The following GALNT13 variants were observed in gnomAD, a reference collection of about 807,000 sequenced individuals.
GALNT13 encodes polypeptide N-acetylgalactosaminyltransferase 13.
GALNT13 carries 28 observed loss-of-function variants against 64.2 expected under a neutral mutation model. The ratio of observed to expected loss-of-function variants is 0.44; its 90% CI spans 0.32 to 0.60. The LOEUF (loss-of-function observed/expected upper bound fraction) is 0.60, where lower values mean the gene tolerates loss of function less well. GALNT13 is among the 20% of genes least tolerant of loss of function. The probability of loss-of-function intolerance (pLI) is 0.05; values close to 1 mark genes in which losing one functional copy is unlikely to be tolerated. For synonymous variants in GALNT13, 214 were observed against 224.6 expected (o/e 0.95, Z 0.42); for missense variants, 577 against 669.8 (o/e 0.86, Z 1.53).
chr2:153,985,056 A>C (rs1230925662), intron 3 of GALNT13, among the ~76,000 whole-genome samples: 2 of 152,048 alleles, frequency 1.3e-5, no homozygotes, highest in Admixed American at 1.3e-4. Flanking sequence ...ATGGGAAAAC[A>C]GTTCCATCTG....
chr2:153,629,572 C>G, the GALNT13 span, among the ~76,000 whole-genome samples: 11 of 152,140 alleles, frequency 7.2e-5, no homozygotes, highest in African/African-American at 1.4e-4. Context: ...CATTACCATT[C>G]AGGACATAGG....
At chr2:153,809,010 T>G in the GALNT13 span, among the ~76,000 whole-genome samples, 1 of 152,210 alleles carries the variant, frequency 6.6e-6, no homozygotes, top group Non-Finnish European at 1.5e-5. Context: ...TAATCTTTTG[T>G]GGGCACTCAG....
At chr2:153,242,837 C>T in the GALNT13 span, among the ~76,000 whole-genome samples, 2 of 152,196 alleles carry the variant, frequency 1.3e-5, no homozygotes, top group Non-Finnish European at 2.9e-5. Flanking sequence ...GCACCACAGA[C>T]CCCATTCTGG....
the GALNT13 span, among the ~76,000 whole-genome samples, chr2:153,359,542 A>G: frequency 6.7e-6 from 1 of 149,720 alleles, no homozygotes; most frequent in Non-Finnish European, 1.5e-5. Context: ...GGCTGAAAAT[A>G]TAAAGAGAGA....
At chr2:153,237,170 G>C in the GALNT13 span, among the ~76,000 whole-genome samples, 2 of 151,966 alleles carry the variant, frequency 1.3e-5, no homozygotes, top group Non-Finnish European at 2.9e-5. Flanking sequence ...TGCTTCTTAT[G>C]GATGAGCAAA....
the GALNT13 span, among the ~76,000 whole-genome samples, chr2:153,435,864 G>A: frequency 6.6e-6 from 1 of 151,924 alleles, no homozygotes; most frequent in Admixed American, 6.6e-5. Flanking sequence ...CCAACACTAT[G>A]TTGAATAGGA....
chr2:153,707,751 A>G, the GALNT13 span, among the ~76,000 whole-genome samples: 1 of 152,142 alleles, frequency 6.6e-6, no homozygotes. Flanking sequence ...TTCAGACTTG[A>G]GAGGGGAACA....
At chr2:153,997,487 T>C (rs1281471819) in intron 3 of GALNT13, among the ~76,000 whole-genome samples, 4 of 152,092 alleles carry the variant, frequency 2.6e-5, no homozygotes, top group African/African-American at 9.7e-5. Flanking sequence ...TGCTATTGCC[T>C]TAGAAAAAAT....
At chr2:154,173,716 G>T (rs2105708218) in intron 4 of GALNT13, among the ~76,000 whole-genome samples, 1 of 151,994 alleles carries the variant, frequency 6.6e-6, no homozygotes, top group Admixed American at 6.6e-5. Context: ...AAAATTATCT[G>T]ACAAAAGGTC....
intron 3 of GALNT13, among the ~76,000 whole-genome samples, chr2:153,987,462 G>A (rs531735488): frequency 1.1e-4 from 17 of 151,810 alleles, no homozygotes; most frequent in Admixed American, 6.6e-5. Context: ...AATATTATTA[G>A]ACTCAATCAT....
At chr2:153,202,761 T>G in the GALNT13 span, among the ~76,000 whole-genome samples, 1 of 152,168 alleles carries the variant, frequency 6.6e-6, no homozygotes, top group Non-Finnish European at 1.5e-5. Flanking sequence ...TCAGAATAGG[T>G]GTAAATAGTA....
At chr2:154,279,114 A>C (rs1376416873) in intron 8 of GALNT13, among the ~76,000 whole-genome samples, 1 of 152,162 alleles carries the variant, frequency 6.6e-6, no homozygotes, top group African/African-American at 2.4e-5. Context: ...CTTAGTTTAC[A>C]GTGCAGTTTC....
At chr2:153,820,706 C>A in the GALNT13 span, among the ~76,000 whole-genome samples, 1 of 152,176 alleles carries the variant, frequency 6.6e-6, no homozygotes, top group Non-Finnish European at 1.5e-5. Flanking sequence ...ACAAGAAATT[C>A]TTATGGGAGT....
the GALNT13 span, among the ~76,000 whole-genome samples, chr2:153,744,520 A>T: frequency 5.9e-5 from 9 of 151,984 alleles, no homozygotes; most frequent in Admixed American, 5.9e-4. Context: ...TTTTTAATCA[A>T]ATTATTAGAT....
intron 4 of GALNT13, among the ~76,000 whole-genome samples, chr2:154,240,381 A>G (rs903697659): frequency 6.6e-6 from 1 of 152,190 alleles, no homozygotes; most frequent in South Asian, 2.1e-4. Flanking sequence ...GCCCCTTACT[A>G]ATCAGTGTGC....
chr2:154,192,789 A>T (rs1686667495), intron 4 of GALNT13, among the ~76,000 whole-genome samples: 1 of 152,226 alleles, frequency 6.6e-6, no homozygotes. Context: ...TAAGGTTGTT[A>T]TCTTGTGATT....
chr2:153,404,646 C>G, the GALNT13 span, among the ~76,000 whole-genome samples: 189 of 152,138 alleles, frequency 1.2e-3, 1 homozygote, highest in African/African-American at 4.3e-3. Context: ...AAGGAACAAT[C>G]AATTTTTTGC....
chr2:153,877,128 A>G (rs1686436088), intron 1 of GALNT13, among the ~76,000 whole-genome samples: 1 of 152,102 alleles, frequency 6.6e-6, no homozygotes, highest in East Asian at 1.9e-4. Flanking sequence ...CATATTTGTT[A>G]TCATCTTGTA....
At chr2:153,653,325 A>G in the GALNT13 span, among the ~76,000 whole-genome samples, 1,354 of 152,266 alleles carry the variant, frequency 8.9e-3, 16 homozygotes, top group African/African-American at 0.031. Context: ...CCCTTCAGAG[A>G]GTCCTACACT....
Sources: allele counts gnomAD v4.1 joint callset (sites outside exome capture counted in the v4.1 genomes callset), GRCh38; gene constraint gnomAD v4.1.1; transcripts MANE v1.5; gene names NCBI Gene and HGNC (gene_info 2026-07-23, HGNC 2026-07-21).